The following DNAJC10 variants were observed in gnomAD, a reference collection of about 807,000 sequenced individuals.
DNAJC10 encodes the protein DnaJ heat shock protein family (Hsp40) member C10.
DNAJC10 carries 101 observed loss-of-function variants against 115.0 expected under a neutral mutation model. The observed-to-expected ratio is 0.88, with a 90% CI of 0.75 to 1.04. The LOEUF is 1.04. Ranked by LOEUF, DNAJC10 falls within the 50% of genes least tolerant of loss-of-function variation. The probability of loss-of-function intolerance (pLI) is 0.00; values close to 1 mark genes in which losing one functional copy is unlikely to be tolerated. For synonymous variants in DNAJC10, 307 were observed against 301.5 expected (o/e 1.02, Z -0.19); for missense variants, 981 against 928.8 (o/e 1.06, Z -0.73).
rs1391278077 is a variant in DNAJC10 at position 182,728,987 on chromosome 2, C to G, written c.626C>G (p.Ser209Cys). 1 of 1,613,690 alleles carries G rather than the reference C, an allele frequency of 6.2e-7. No homozygotes were observed. Among genetic ancestry groups the G allele is most frequent in the African/African-American group, 1.3e-5 (1 of 74,868 alleles). Reference sequence around the variant, plus strand: ...TATCCCAGCCTCTTCATTTTTCGGTCTGGAATGGTAAGGGATAAAGTTAGC... The same window carrying G: ...TATCCCAGCCTCTTCATTTTTCGGTGTGGAATGGTAAGGGATAAAGTTAGC... Reference protein sequence around the residue: ...NSYPSLFIFRSGMAPVKYHGD... With the variant: ...NSYPSLFIFRCGMAPVKYHGD... Residue 209 changes from serine (S) to cysteine (C), a missense_variant, in exon 7 of 24, where the codon TCT becomes TGT. Transcript: ENST00000264065.
intron 22 of DNAJC10, among the ~76,000 whole-genome samples, chr2:182,763,213 A>G (rs1311200146): frequency 6.6e-6 from 1 of 152,168 alleles, no homozygotes; most frequent in African/African-American, 2.4e-5. Flanking sequence ...TCTATTCAGT[A>G]TACTTTTTAC....
rs2105732610 is a variant in DNAJC10 at position 182,792,372 on chromosome 2, G to GA, written c.*15241dup. 1 of 152,270 alleles carries GA rather than the reference G, an allele frequency of 6.6e-6. No individual in the cohort carries two copies. The highest frequency in any genetic ancestry group is 2.1e-4 in the South Asian group (1 of 4,828). 9.4% of individuals were successfully genotyped at this position (152,270 alleles called of 1,614,324 possible). ...ATTTTGAGGTACAAAAAATAATGAA[G>GA]AGGATATATTCCAATTTCTTTCCTT... On this transcript the variant is annotated 3_prime_UTR_variant, in exon 24 of 24. Coordinates refer to ENST00000264065, the MANE Select transcript of DNAJC10 (RefSeq NM_018981.4).
intron 22 of DNAJC10, among the ~76,000 whole-genome samples, chr2:182,774,427 C>G (rs1463508583): frequency 1.3e-5 from 2 of 152,198 alleles, no homozygotes; most frequent in East Asian, 3.9e-4. Flanking sequence ...TGTCTGCTGC[C>G]TTTTGTTCAG....
chr2:182,739,734 ACTC>A lies in DNAJC10; in HGVS notation c.988-562_988-560del, dbSNP rs374056322. ...TGTATCATTGTATTTTACTCTAAAA[ACTC>A]CTAAGTGGTTTGGTTTTTAGATGAA... On this transcript the variant is annotated intron_variant, in intron 11 of 23. Transcript: ENST00000264065. 14 of 1,004,206 alleles carry A rather than the reference ACTC, an allele frequency of 1.4e-5. No individual in the cohort carries two copies. In the East Asian group the frequency reaches 1.1e-3, roughly 82 times the overall value. The allele number at this position is 1,004,206 out of a possible 1,614,324, so 62.2% of individuals were successfully genotyped here. A position where few individuals can be genotyped will look rare whatever the true frequency, so the allele number is the denominator to read the frequency against.
In DNAJC10 at chr2:182,790,202, G is replaced by T. The variant is rs1695024749; in HGVS notation, c.*13070G>T. 1 of 152,080 alleles carries T rather than the reference G, an allele frequency of 6.6e-6. No homozygotes were observed. Among genetic ancestry groups the T allele is most frequent in the African/African-American group, 2.4e-5 (1 of 41,406 alleles). The allele number at this position is 152,080 out of a possible 1,614,324, so 9.4% of individuals were successfully genotyped here. On this transcript the variant is annotated 3_prime_UTR_variant, in exon 24 of 24. Coordinates refer to ENST00000264065, the MANE Select transcript of DNAJC10 (RefSeq NM_018981.4). Reference sequence around the variant, plus strand: ...TTTATTTAGTCCTATATTATTCTCTGATTATTCCATATGTTATCTTCCAAA... The same window carrying T: ...TTTATTTAGTCCTATATTATTCTCTTATTATTCCATATGTTATCTTCCAAA...
At chr2:182,734,587 T>C (rs1052039074) in intron 10 of DNAJC10, among the ~76,000 whole-genome samples, 4 of 151,812 alleles carry the variant, frequency 2.6e-5, no homozygotes, top group African/African-American at 9.7e-5. Flanking sequence ...TCCAATTTGT[T>C]AGCTATGTTA....
chr2:182,727,012 C>T (rs1194158622), intron 5 of DNAJC10, among the ~76,000 whole-genome samples: 1 of 151,662 alleles, frequency 6.6e-6, no homozygotes, highest in Admixed American at 6.6e-5. Flanking sequence ...TGAGCCACTG[C>T]GCCCAGCCTA....
Position 182,749,470 on chromosome 2 carries a change from G to A in DNAJC10, c.1307-2188G>A, listed in dbSNP as rs910688900. On this transcript the variant is annotated intron_variant, in intron 14 of 23. Transcript: ENST00000264065. ...TAAAGTCTGTTTTATCAGAGACTAG[G>A]ATTGCAACCCCTGCCTTTTTTTGTT... Among the ~76,000 whole-genome samples the A allele has an allele frequency of 8.1e-5, 12 of 149,064 alleles. 1 individual carries two copies. Among genetic ancestry groups the A allele is most frequent in the African/African-American group, 3.0e-4 (12 of 40,126 alleles).
chr2:182,761,396 G>A (rs939129015), intron 21 of DNAJC10, among the ~76,000 whole-genome samples: 1 of 152,154 alleles, frequency 6.6e-6, no homozygotes, highest in Non-Finnish European at 1.5e-5. Flanking sequence ...CGGTATGCAA[G>A]TGTGTGTGTC....
At position 182,730,831 on chromosome 2, in the gene DNAJC10, G is replaced by A. The variant is rs369127855; in HGVS notation, c.728-199G>A. ...TTTTCTTAATGAAATAATGAATTTA[G>A]GTTTTATATGATGAAAAAATTGGAG... is the stretch of plus-strand genomic sequence containing the variant. On this transcript the variant is annotated intron_variant, in intron 8 of 23. Coordinates refer to ENST00000264065, the MANE Select transcript of DNAJC10 (RefSeq NM_018981.4). 7.9e-5 allele frequency among the ~76,000 whole-genome samples: 12 copies of A among 152,100 alleles called. No individual in the cohort carries two copies. The East Asian group carries it at 1.5e-3, about 20-fold the overall frequency.
intron 15 of DNAJC10, 36 bp downstream of exon 15, chr2:182,751,821 C>G: frequency 6.2e-7 from 1 of 1,600,628 alleles, no homozygotes; most frequent in Non-Finnish European, 8.5e-7. Context: ...CTAACATTGT[C>G]AGATCTTCTC....
At position 182,758,844 on chromosome 2, in the gene DNAJC10, A is replaced by G. The variant is rs1694220748; in HGVS notation, c.1951A>G (p.Asn651Asp). Residue 651 changes from asparagine (N) to aspartate (D), a missense_variant, in exon 20 of 24, where the codon AAT (asparagine) becomes GAT (aspartate). Coordinates refer to ENST00000264065, the MANE Select transcript of DNAJC10 (RefSeq NM_018981.4). ...CATTTTTTCTTCTCTCAGCAGTTAC[A>G]ATGGTTGGAATAGGGATGCTTATTC... Reference protein sequence around the residue: ...SNKAYHYHSYNGWNRDAYSLR... With the variant: ...SNKAYHYHSYDGWNRDAYSLR... The G allele has an allele frequency of 6.2e-7, 1 of 1,606,434 alleles. No individual in the cohort carries two copies. The highest frequency in any genetic ancestry group is 8.5e-7 in the Non-Finnish European group (1 of 1,173,476).
At chr2:182,725,548 T>C (rs1252559926) in intron 5 of DNAJC10, among the ~76,000 whole-genome samples, 1 of 152,226 alleles carries the variant, frequency 6.6e-6, no homozygotes, top group Non-Finnish European at 1.5e-5. Context: ...CTTAGTGGTC[T>C]GGGTAGATCA....
chr2:182,753,228 A>G (rs1176173347), intron 16 of DNAJC10, among the ~76,000 whole-genome samples: 2 of 152,212 alleles, frequency 1.3e-5, no homozygotes, highest in African/African-American at 2.4e-5. Flanking sequence ...TTGTAGCTAT[A>G]TGAATACGCG....
At position 182,750,162 on chromosome 2, in the gene DNAJC10, G is replaced by C. The variant is rs1262008796; in HGVS notation, c.1307-1496G>C. ...TGGGAGGTCAAGAGAGAGAGAGAGA[G>C]TCAAGAATAATACCTATGTTTCTGA... is the stretch of plus-strand genomic sequence containing the variant. On this transcript the variant is annotated intron_variant, in intron 14 of 23. Coordinates refer to ENST00000264065, the MANE Select transcript of DNAJC10 (RefSeq NM_018981.4). Among the ~76,000 whole-genome samples the C allele has an allele frequency of 9.9e-5, 15 of 152,164 alleles. 1 individual carries two copies.
At chr2:182,719,415 C>T (rs1693087726) in intron 3 of DNAJC10, among the ~76,000 whole-genome samples, 2 of 151,722 alleles carry the variant, frequency 1.3e-5, no homozygotes, top group African/African-American at 4.8e-5. Flanking sequence ...CACTACTGCC[C>T]AGCTAGTTTT....
chr2:182,754,587 T>C (rs1694108640), intron 16 of DNAJC10: 1 of 172,464 alleles, frequency 5.8e-6, no homozygotes, highest in Admixed American at 6.4e-5. Context: ...TTATTCTTGC[T>C]GTTTTATTTC....
At chr2:182,768,140 T>G (rs1438241775) in intron 22 of DNAJC10, among the ~76,000 whole-genome samples, 1 of 152,016 alleles carries the variant, frequency 6.6e-6, no homozygotes, top group Non-Finnish European at 1.5e-5. Flanking sequence ...ACATCTAGAT[T>G]TTTCAGTGAA....
At position 182,783,444 on chromosome 2, in the gene DNAJC10, A is replaced by T. The variant is rs1449850486; in HGVS notation, c.*6312A>T. On this transcript the variant is annotated 3_prime_UTR_variant, in exon 24 of 24. Coordinates refer to ENST00000264065, the MANE Select transcript of DNAJC10 (RefSeq NM_018981.4). Reference sequence around the variant, plus strand: ...AAAATACATATACACACACAAAAAAAATATTTCAGCAGCCACTGCCAACTG... The same window carrying T: ...AAAATACATATACACACACAAAAAATATATTTCAGCAGCCACTGCCAACTG... 1.3e-5 allele frequency: 2 copies of T among 152,314 alleles called. No individual in the cohort carries two copies. The highest frequency in any genetic ancestry group is 2.9e-5 in the Non-Finnish European group (2 of 68,020). The allele number at this position is 152,314 out of a possible 1,614,324, so 9.4% of individuals were successfully genotyped here. A position where few individuals can be genotyped will look rare whatever the true frequency, so the allele number is the denominator to read the frequency against.
Sources: gnomAD v4.1 joint callset for allele counts (sites outside exome capture counted in the v4.1 genomes callset) on GRCh38, gnomAD v4.1.1 for gene constraint, MANE v1.5 for transcripts, NCBI Gene and HGNC (gene_info 2026-07-23, HGNC 2026-07-21) for gene names.